Variants in CNTN5 observed in about 807,000 individuals in gnomAD.
The protein encoded by CNTN5 is contactin-5.
CNTN5 carries 77 observed loss-of-function variants against 129.1 expected under a neutral mutation model. The ratio of observed to expected loss-of-function variants is 0.60; its 90% confidence interval spans 0.50 to 0.72. CNTN5 has a LOEUF of 0.72. CNTN5 is among the 30% of genes least tolerant of loss of function. The pLI is 0.00. For synonymous variants in CNTN5, 509 were observed against 465.6 expected, an observed-to-expected ratio of 1.09 and a Z score of -1.20; for missense variants, 1,478 against 1,328.8, an observed-to-expected ratio of 1.11 and a Z score of -1.75.
chr11:100,015,161 A>G (rs1195550298), intron 9 of CNTN5, among the ~76,000 whole-genome samples: 4 of 152,134 alleles, frequency 2.6e-5, no homozygotes, highest in Non-Finnish European at 5.9e-5. Flanking sequence ...GCACGAATAA[A>G]CCAATATATT....
chr11:99,725,602 G>A (rs1943310770), intron 3 of CNTN5, among the ~76,000 whole-genome samples: 1 of 152,108 alleles, frequency 6.6e-6, no homozygotes, highest in Admixed American at 6.5e-5. Context: ...AAAGGAATAT[G>A]TGTGTTAAAA....
At chr11:99,314,408 TTATGCTGTACCATGTACACTTGGACA>T (rs1164900159) in intron 1 of CNTN5, among the ~76,000 whole-genome samples, 6 of 152,152 alleles carry the variant, frequency 3.9e-5, no homozygotes, top group Non-Finnish European at 8.8e-5. Flanking sequence ...ATGGGTGTGC[TTATGCTGTACCATGTACACTTGGACA>T]TAGAGCATCT....
chr11:100,063,775 T>C (rs34546699), intron 10 of CNTN5, among the ~76,000 whole-genome samples: 20,263 of 148,980 alleles, frequency 0.14, 1,472 homozygotes, highest in Non-Finnish European at 0.16. Context: ...TGGTCCCAAA[T>C]ACTCAGAAGC....
rs534480008 is a variant in CNTN5, at chr11:99,792,508, A to G, written c.56-27036A>G. The stretch of plus-strand genomic sequence containing the variant: ...TATTTTGTTGAGAATTTTTGAATCT[A>G]TGATTATTGAGGATATTGGCCTGAA... On this transcript the variant is annotated intron_variant, in intron 3 of 24. Transcript: ENST00000524871. Among the ~76,000 whole-genome samples, 113 of 148,754 alleles carry G rather than the reference A, an allele frequency of 7.6e-4. 1 individual carries two copies. The South Asian group carries it at 0.018, about 24-fold the overall frequency.
chr11:99,275,196 AT>A, intron 1 of CNTN5, among the ~76,000 whole-genome samples: 2 of 150,970 alleles, frequency 1.3e-5, no homozygotes, highest in Non-Finnish European at 3.0e-5. Context: ...TCATTGATAT[AT>A]AAAAAAAAAC....
Position 100,337,476 on chromosome 11 carries a change from C to T in CNTN5, c.2731-2987C>T, listed in dbSNP as rs568498183. ...GAATGTGATTAAGTCTTACCCAAGACCTGAGGGACTGAACTTTCAGGATCT... is the reference window on the plus strand; with the variant it reads ...GAATGTGATTAAGTCTTACCCAAGATCTGAGGGACTGAACTTTCAGGATCT... On this transcript the variant is annotated intron_variant, in intron 21 of 24. Coordinates refer to ENST00000524871, the MANE Select transcript of CNTN5 (RefSeq NM_014361.4). The T allele has an allele frequency of 8.1e-6, 6 of 744,658 alleles. No individual in the cohort carries two copies. The East Asian group carries it at 1.0e-4, about 13-fold the overall frequency. 46.1% of individuals were successfully genotyped at this position (744,658 alleles called of 1,614,324 possible). A position where few individuals can be genotyped will look rare whatever the true frequency, so the allele number is the denominator to read the frequency against.
intron 8 of CNTN5, among the ~76,000 whole-genome samples, chr11:99,961,983 T>C (rs1176891300): frequency 9.0e-6 from 1 of 110,882 alleles, no homozygotes; most frequent in Non-Finnish European, 1.9e-5. Flanking sequence ...TAGATAGATA[T>C]AGTTATATAT....
At chr11:100,184,352 C>A (rs962205081) in intron 13 of CNTN5, among the ~76,000 whole-genome samples, 3 of 152,056 alleles carry the variant, frequency 2.0e-5, no homozygotes, top group Non-Finnish European at 2.9e-5. Flanking sequence ...TTGAACACAG[C>A]CCTATCCTGC....
chr11:99,124,763 T>C (rs369525719), intron 1 of CNTN5, among the ~76,000 whole-genome samples: 3 of 151,274 alleles, frequency 2.0e-5, no homozygotes, highest in Non-Finnish European at 1.5e-5. Context: ...ATAAACACAA[T>C]CAGAAATGAC....
intron 3 of CNTN5, among the ~76,000 whole-genome samples, chr11:99,694,933 T>C (rs377642502): frequency 2.0e-5 from 3 of 152,138 alleles, no homozygotes; most frequent in African/African-American, 7.2e-5. Context: ...TAAGGAAGGT[T>C]AGGTGCCTTT....
At chr11:99,965,460 T>C (rs1951068811) in intron 8 of CNTN5, among the ~76,000 whole-genome samples, 1 of 152,232 alleles carries the variant, frequency 6.6e-6, no homozygotes, top group African/African-American at 2.4e-5. Context: ...TTCCATGTAG[T>C]TGAGCGGTTT....
chr11:100,108,623 G>A (rs758999066), intron 13 of CNTN5, among the ~76,000 whole-genome samples: 31 of 152,118 alleles, frequency 2.0e-4, no homozygotes, highest in Non-Finnish European at 1.5e-4. Context: ...TTCTCTTTGA[G>A]TCCCCATTAT....
At chr11:100,078,792 G>A (rs1412293335) in intron 13 of CNTN5, among the ~76,000 whole-genome samples, 1 of 152,108 alleles carries the variant, frequency 6.6e-6, no homozygotes, top group Non-Finnish European at 1.5e-5. Flanking sequence ...TAATGATACT[G>A]ATGACGATGA....
At chr11:99,678,890 C>CT (rs557966682) in intron 3 of CNTN5, among the ~76,000 whole-genome samples, 9 of 151,030 alleles carry the variant, frequency 6.0e-5, no homozygotes, top group African/African-American at 1.5e-4. Context: ...GATATATAAC[C>CT]TTTTTTTGTA....
At chr11:99,638,517 CATCTT>C (rs1426107050) in intron 3 of CNTN5, among the ~76,000 whole-genome samples, 1 of 152,152 alleles carries the variant, frequency 6.6e-6, no homozygotes, top group Non-Finnish European at 1.5e-5. Flanking sequence ...AGTCAAGTCT[CATCTT>C]AACTCTTCTG....
intron 2 of CNTN5, among the ~76,000 whole-genome samples, chr11:99,523,704 C>T (rs12576989): frequency 0.06 from 7,029 of 117,222 alleles, 442 homozygotes; most frequent in East Asian, 0.17. Flanking sequence ...CAGAATAGAA[C>T]AGAATAGAAT....
chr11:100,317,365 C>A (rs552378012), intron 21 of CNTN5, among the ~76,000 whole-genome samples: 2 of 152,232 alleles, frequency 1.3e-5, no homozygotes, highest in African/African-American at 4.8e-5. Context: ...AAGCTAGTTA[C>A]CAGAAAGCTA....
intron 2 of CNTN5, among the ~76,000 whole-genome samples, chr11:99,349,079 T>A (rs1333375549): frequency 6.6e-6 from 1 of 152,172 alleles, no homozygotes; most frequent in Non-Finnish European, 1.5e-5. Flanking sequence ...GTAAGTGCTA[T>A]AGAGAAACGT....
chr11:99,249,684 A>T (rs906285736), intron 1 of CNTN5, among the ~76,000 whole-genome samples: 1 of 152,010 alleles, frequency 6.6e-6, no homozygotes, highest in Non-Finnish European at 1.5e-5. Flanking sequence ...ATGAGAAATT[A>T]AGACAAAAAC....
Sources: allele counts gnomAD v4.1 joint callset (sites outside exome capture counted in the v4.1 genomes callset), GRCh38; gene constraint gnomAD v4.1.1; transcripts MANE v1.5; gene names NCBI Gene and HGNC (gene_info 2026-07-23, HGNC 2026-07-21).